NF1: variants seen among roughly 807,000 people sequenced by gnomAD.
NF1 encodes neurofibromin.
A neutral mutation model predicts 325.7 loss-of-function variants in NF1; 122 were observed. The ratio of observed to expected loss-of-function variants is 0.37; its 90% CI spans 0.32 to 0.44. The LOEUF (loss-of-function observed/expected upper bound fraction) is 0.44, where lower values mean the gene tolerates loss of function less well. NF1 is among the 20% of genes least tolerant of loss of function. The pLI, the probability that NF1 is intolerant of heterozygous loss-of-function variation, is 1.00. For synonymous variants in NF1, 1,091 were observed against 1,186.0 expected (o/e 0.92, Z 1.65); for missense variants, 2,140 against 3,415.4 (o/e 0.63, Z 9.31).
chr17:31,151,816 A>G (rs1916963634), intron 1 of NF1, among the ~76,000 whole-genome samples: 2 of 152,234 alleles, frequency 1.3e-5, no homozygotes, highest in Non-Finnish European at 2.9e-5. Context: ...TGGAGAACTC[A>G]TGGATTCAGA....
chr17:31,301,854 G>A (rs2151505572), intron 36 of NF1, among the ~76,000 whole-genome samples: 1 of 152,306 alleles, frequency 6.6e-6, no homozygotes, highest in East Asian at 1.9e-4. Flanking sequence ...CTAGTATGTG[G>A]TGTGAACTTT....
At position 31,338,766 on chromosome 17, in the gene NF1, A is replaced by G. The variant is rs766889312; in HGVS notation, c.6882A>G (p.Thr2294=). ...ACAGTCAAGTTCTGATAGAAGCTAC[A>G]GTAATAGCACTAACCAAATTACAGC... The part of the protein sequence containing the change: ...TYNSQVLIEA[T]VIALTKLQPL... Residue 2294 remains threonine, a synonymous_variant, in exon 46 of 58, where the codon ACA becomes ACG. Transcript: ENST00000358273. 4 of 1,613,386 alleles carry G rather than the reference A, an allele frequency of 2.5e-6. No individual in the cohort carries two copies. Among genetic ancestry groups the G allele is most frequent in the East Asian group, 2.2e-5 (1 of 44,752 alleles).
intron 18 of NF1, 86 bp from the exon 19 acceptor site, chr17:31,227,132 C>A: frequency 7.3e-7 from 1 of 1,364,650 alleles, no homozygotes; most frequent in Non-Finnish European, 1.0e-6. Context: ...GCTCTTCCTA[C>A]TCCTTTTGGG....
At chr17:31,140,190 A>G (rs1916115738) in intron 1 of NF1, among the ~76,000 whole-genome samples, 1 of 152,240 alleles carries the variant, frequency 6.6e-6, no homozygotes, top group Non-Finnish European at 1.5e-5. Context: ...TAATTACAGT[A>G]ATAAGAATCA....
rs1555619423 is a variant in NF1, at chr17:31,265,339, G to C, written c.4835G>C (p.Arg1612Thr). 6.2e-7 allele frequency: 1 copy of C among 1,601,736 alleles called. No homozygotes were observed. The highest frequency in any genetic ancestry group is 8.6e-7 in the Non-Finnish European group (1 of 1,169,410). The change falls in exon 36 of 58, where the codon AGG becomes ACG. Residue 1612 changes from arginine (R) to threonine (T), a missense_variant and splice_region_variant. This residue lies in a region of NF1 where 103 missense variants were observed against 214.6 expected (regional missense o/e 0.48). Transcript: ENST00000358273. Reference protein sequence around the residue: ...GNPIFYYVARRFKTGQINGDL... With the variant: ...GNPIFYYVARTFKTGQINGDL... ...CCTATTTTTTATTATGTTGCACGGA[G>C]GTAAGAAATACTATGTTTTGGGTCT...
chr17:31,319,286 G>A (rs1447375078), intron 36 of NF1, among the ~76,000 whole-genome samples: 1 of 150,916 alleles, frequency 6.6e-6, no homozygotes, highest in Non-Finnish European at 1.5e-5. Context: ...GGACTATCAT[G>A]GCTTTATATA....
intron 5 of NF1, among the ~76,000 whole-genome samples, chr17:31,172,331 G>C (rs1296773800): frequency 1.4e-5 from 2 of 145,600 alleles, no homozygotes; most frequent in Admixed American, 6.7e-5. Context: ...TCCTGTCTCT[G>C]TCTGTCTCTC....
At chr17:31,114,544 G>T (rs1326215123) in intron 1 of NF1, among the ~76,000 whole-genome samples, 5 of 128,700 alleles carry the variant, frequency 3.9e-5, no homozygotes, top group African/African-American at 1.7e-4. Flanking sequence ...TCACAAAAAA[G>T]AATAAAAAAA....
chr17:31,232,198 C>G lies in NF1; in HGVS notation c.3314+9C>G, dbSNP rs866615890. ...TCACAGTTATTTCTTAAGTAAATTT[C>G]AGTCACCAAAAAACATAAAGCAAAA... On this transcript the variant is annotated intron_variant, in intron 25 of 57. Coordinates refer to ENST00000358273, the MANE Select transcript of NF1 (RefSeq NM_001042492.3). 6.5e-7 allele frequency: 1 copy of G among 1,547,706 alleles called. No homozygotes were observed. The highest frequency in any genetic ancestry group is 1.1e-5 in the South Asian group (1 of 89,604).
At chr17:31,229,594 GAA>G in intron 21 of NF1, 129 bp downstream of exon 21, 1 of 1,180,246 alleles carries the variant, frequency 8.5e-7, no homozygotes, top group Non-Finnish European at 1.2e-6. Context: ...ATTGCAGAAA[GAA>G]GAGTCATCTC....
rs1164332034 is a variant in NF1, at chr17:31,249,888, A to G, written c.4110+769A>G. ...AACATTAGTGGGTCTGGAATTTGGG[A>G]TAGGGGTGGATATAAGGGAAATACA... On this transcript the variant is annotated intron_variant, in intron 30 of 57. Transcript: ENST00000358273. The G allele has an allele frequency of 6.4e-6, 3 of 470,234 alleles. No individual in the cohort carries two copies. In the East Asian group the frequency reaches 1.5e-4, roughly 24 times the overall value. The allele number at this position is 470,234 out of a possible 1,614,324, so 29.1% of individuals were successfully genotyped here.
At chr17:31,204,459 C>T (rs985496763) in intron 11 of NF1, among the ~76,000 whole-genome samples, 2 of 152,038 alleles carry the variant, frequency 1.3e-5, no homozygotes, top group Non-Finnish European at 2.9e-5. Context: ...CTTTAATTGA[C>T]TGGTGTTCAG....
At chr17:31,187,448 G>A (rs758509829) in intron 8 of NF1, among the ~76,000 whole-genome samples, 3 of 151,980 alleles carry the variant, frequency 2.0e-5, no homozygotes, top group Non-Finnish European at 2.9e-5. Flanking sequence ...TGCCCCCCTC[G>A]GCCTCCCAAA....
intron 36 of NF1, chr17:31,305,073 C>A: frequency 6.2e-7 from 1 of 1,613,924 alleles, no homozygotes; most frequent in Non-Finnish European, 8.5e-7. Flanking sequence ...CTGGTGTACT[C>A]CTAGGTGAAT....
At chr17:31,200,192 TG>T (rs2066501317) in intron 8 of NF1, among the ~76,000 whole-genome samples, 1 of 151,442 alleles carries the variant, frequency 6.6e-6, no homozygotes, top group Admixed American at 6.6e-5. Context: ...GACTGTTTTT[TG>T]TATTCCTTTA....
At chr17:31,239,552 G>GT (rs1025487731) in intron 29 of NF1, among the ~76,000 whole-genome samples, 4 of 149,204 alleles carry the variant, frequency 2.7e-5, no homozygotes, top group East Asian at 2.0e-4. Flanking sequence ...AAGCAAGATG[G>GT]GGGGAGGAAT....
intron 38 of NF1, among the ~76,000 whole-genome samples, chr17:31,328,444 C>G (rs1487570937): frequency 6.6e-6 from 1 of 152,138 alleles, no homozygotes; most frequent in Non-Finnish European, 1.5e-5. Flanking sequence ...GAGCAAGATA[C>G]TGAAGTTTTC....
At chr17:31,246,516 G>A (rs1408421143) in intron 29 of NF1, among the ~76,000 whole-genome samples, 1 of 152,182 alleles carries the variant, frequency 6.6e-6, no homozygotes, top group Admixed American at 6.5e-5. Flanking sequence ...CTCAGTACTT[G>A]CTGTGGTAAG....
At chr17:31,288,028 A>G (rs1231611202) in intron 36 of NF1, among the ~76,000 whole-genome samples, 1 of 151,886 alleles carries the variant, frequency 6.6e-6, no homozygotes, top group East Asian at 1.9e-4. Flanking sequence ...ACATGTATAC[A>G]TATGTAACTA....
Sources: allele counts gnomAD v4.1 joint callset (sites outside exome capture counted in the v4.1 genomes callset), GRCh38; gene constraint gnomAD v4.1.1; regional missense constraint gnomAD v4.1.1; transcripts MANE v1.5; gene names NCBI Gene and HGNC (gene_info 2026-07-23, HGNC 2026-07-21).